USP6NL: variants seen among roughly 807,000 people sequenced by gnomAD.
USP6NL encodes USP6 N-terminal-like protein.
A neutral mutation model predicts 61.9 loss-of-function variants in USP6NL; 26 were observed. That is an observed-to-expected ratio of 0.42 (90% CI 0.31 to 0.58). The LOEUF (loss-of-function observed/expected upper bound fraction) is 0.58, where lower values mean the gene tolerates loss of function less well. USP6NL is among the 20% of genes least tolerant of loss of function. The pLI, the probability that USP6NL is intolerant of heterozygous loss-of-function variation, is 0.16. For synonymous variants in USP6NL, 432 were observed against 390.1 expected (o/e 1.11, Z -1.27); for missense variants, 1,114 against 1,034.3 (o/e 1.08, Z -1.06).
At chr10:11,610,326 C>A (rs1838847983) in intron 1 of USP6NL, among the ~76,000 whole-genome samples, 1 of 152,120 alleles carries the variant, frequency 6.6e-6, no homozygotes, top group South Asian at 2.1e-4. Context: ...TAGGGTCTGA[C>A]TGAACCAGAA....
chr10:11,489,376 A>G lies in USP6NL; in HGVS notation c.544-154T>C, dbSNP rs1411930448. Among the ~76,000 whole-genome samples, 6 of 152,276 alleles carry G rather than the reference A, an allele frequency of 3.9e-5. No individual in the cohort carries two copies. The highest frequency in any genetic ancestry group is 8.8e-5 in the Non-Finnish European group (6 of 68,044). ...CAAATACTATACTCTTTACAGTATT[A>G]TGCCACATAAGAGAATAAAATTGTG... On this transcript the variant is annotated intron_variant, in intron 9 of 14. Coordinates refer to ENST00000609104, the MANE Select transcript of USP6NL (RefSeq NM_014688.5). This position sits in a 1 kb window ranked among gnomAD's most constrained non-coding sequence, Gnocchi z 5.7.
intron 2 of USP6NL, chr10:11,564,807 A>G (rs1837069414): frequency 6.6e-6 from 1 of 152,226 alleles, no homozygotes; most frequent in African/African-American, 2.4e-5. Flanking sequence ...CTTCAATTAC[A>G]TTGCAGGACC....
chr10:11,498,768 T>C (rs1834052536), intron 7 of USP6NL, among the ~76,000 whole-genome samples: 1 of 152,262 alleles, frequency 6.6e-6, no homozygotes, highest in South Asian at 2.1e-4. Flanking sequence ...AATTCAGCAA[T>C]CTTTTTCCTT....
chr10:11,465,637 T>C lies in USP6NL; in HGVS notation c.1079-1788A>G, dbSNP rs1832418769. On this transcript the variant is annotated intron_variant, in intron 14 of 14. Transcript: ENST00000609104. The surrounding 1 kb of genome is among the most constrained non-coding windows in gnomAD (Gnocchi z 4.5). ...CTACTGCTGCTGTGCCTGTACGTGC[T>C]CTCCCCACACCGTGCTGGCAGCGGA... Among the ~76,000 whole-genome samples, 2 of 152,200 alleles carry C rather than the reference T, an allele frequency of 1.3e-5. No individual in the cohort carries two copies. The highest frequency in any genetic ancestry group is 4.1e-4 in the South Asian group (2 of 4,826).
In USP6NL at chr10:11,598,716, A is replaced by G. The variant is rs1231089870; in HGVS notation, c.-83-999T>C. Among the ~76,000 whole-genome samples the G allele has an allele frequency of 6.6e-6, 1 of 152,244 alleles. No individual in the cohort carries two copies. The highest frequency in any genetic ancestry group is 1.5e-5 in the Non-Finnish European group (1 of 68,032). ...TTTCTAAATCAATTAAGAAAACAGT[A>G]TACTACTACTAGAGACCTCTGCTTT... is the stretch of plus-strand genomic sequence containing the variant. On this transcript the variant is annotated intron_variant, in intron 1 of 14. Coordinates refer to ENST00000609104, the MANE Select transcript of USP6NL (RefSeq NM_014688.5). The surrounding 1 kb of genome is among the most constrained non-coding windows in gnomAD (Gnocchi z 4.7).
chr10:11,523,105 T>C (rs1052854317), intron 4 of USP6NL, among the ~76,000 whole-genome samples: 4 of 152,236 alleles, frequency 2.6e-5, no homozygotes, highest in Non-Finnish European at 5.9e-5. Flanking sequence ...ATATTTGCAC[T>C]TTTTCCCCAC....
chr10:11,578,964 T>A (rs1398994239), intron 2 of USP6NL, among the ~76,000 whole-genome samples: 2 of 152,192 alleles, frequency 1.3e-5, no homozygotes, highest in African/African-American at 4.8e-5. Context: ...CCACAGAAAT[T>A]AGCAAACACT....
chr10:11,561,762 G>A lies in USP6NL; in HGVS notation c.5-34195C>T, dbSNP rs1193916033. ...CTTGCAGACTAGAATTAGTAGGCCAGATGAAACACAACTTTTAATTTTGAT... is the reference window on the plus strand; with the variant it reads ...CTTGCAGACTAGAATTAGTAGGCCAAATGAAACACAACTTTTAATTTTGAT... On this transcript the variant is annotated intron_variant, in intron 2 of 14. Coordinates refer to ENST00000609104, the MANE Select transcript of USP6NL (RefSeq NM_014688.5). This position sits in a 1 kb window ranked among gnomAD's most constrained non-coding sequence, Gnocchi z 4.1. Among the ~76,000 whole-genome samples, 2 of 152,190 alleles carry A rather than the reference G, an allele frequency of 1.3e-5. No homozygotes were observed. Among genetic ancestry groups the A allele is most frequent in the Non-Finnish European group, 2.9e-5 (2 of 68,032 alleles).
rs1291255434 is a variant in USP6NL, at chr10:11,525,244, C to T, written c.155+142G>A. On this transcript the variant is annotated intron_variant, in intron 4 of 14. Coordinates refer to ENST00000609104, the MANE Select transcript of USP6NL (RefSeq NM_014688.5). This position sits in a 1 kb window ranked among gnomAD's most constrained non-coding sequence, Gnocchi z 5.0. ...TAATCACAGAGTTGTTAAAAGAAAC[C>T]TAGGAATTTAGTATCAAAACGCATA... 6 of 590,394 alleles carry T rather than the reference C, an allele frequency of 1.0e-5. No homozygotes were observed. Among genetic ancestry groups the T allele is most frequent in the African/African-American group, 2.0e-5 (1 of 50,574 alleles). The allele number at this position is 590,394 out of a possible 1,614,324, so 36.6% of individuals were successfully genotyped here.
rs1833640320 is a variant in USP6NL, at chr10:11,489,956, G to A, written c.544-734C>T. On this transcript the variant is annotated intron_variant, in intron 9 of 14. Coordinates refer to ENST00000609104, the MANE Select transcript of USP6NL (RefSeq NM_014688.5). This position sits in a 1 kb window ranked among gnomAD's most constrained non-coding sequence, Gnocchi z 5.7. ...CAGTAGGCAAAGGAAGCAATCTGGAGAGAGAAACAGTGAACTGAACAGTTC... is the reference window on the plus strand; with the variant it reads ...CAGTAGGCAAAGGAAGCAATCTGGAAAGAGAAACAGTGAACTGAACAGTTC... Among the ~76,000 whole-genome samples, 1 of 152,190 alleles carries A rather than the reference G, an allele frequency of 6.6e-6. No individual in the cohort carries two copies. The highest frequency in any genetic ancestry group is 2.4e-5 in the African/African-American group (1 of 41,446).
chr10:11,582,916 A>G lies in USP6NL; in HGVS notation c.4+14715T>C, dbSNP rs61844604. Among the ~76,000 whole-genome samples, 1,339 of 150,306 alleles carry G rather than the reference A, an allele frequency of 8.9e-3. 9 individuals are homozygous for G. Among genetic ancestry groups the G allele is most frequent in the Middle Eastern group, 0.037 (11 of 294 alleles). ...AGGCAATAAAATCCTGTTCATTCAT[A>G]TAAGATTTCTTATGTATCTAGTATG... On this transcript the variant is annotated intron_variant, in intron 2 of 14. Coordinates refer to ENST00000609104, the MANE Select transcript of USP6NL (RefSeq NM_014688.5).
At chr10:11,502,945 C>T (rs933294201) in intron 6 of USP6NL, among the ~76,000 whole-genome samples, 1 of 152,148 alleles carries the variant, frequency 6.6e-6, no homozygotes, top group African/African-American at 2.4e-5. Flanking sequence ...GACCATAAAA[C>T]TAGACTCGCA....
Position 11,532,445 on chromosome 10 carries a change from T to G in USP6NL, c.5-4878A>C, listed in dbSNP as rs1054411753. ...TCTAAGGGAGAAAAAAACCTTGCTG[T>G]GGTTACACAGACTATATATTTTCAA... On this transcript the variant is annotated intron_variant, in intron 2 of 14. Coordinates refer to ENST00000609104, the MANE Select transcript of USP6NL (RefSeq NM_014688.5). This position sits in a 1 kb window ranked among gnomAD's most constrained non-coding sequence, Gnocchi z 4.1. Among the ~76,000 whole-genome samples the G allele has an allele frequency of 4.6e-5, 7 of 152,206 alleles. No individual in the cohort carries two copies. The highest frequency in any genetic ancestry group is 8.8e-5 in the Non-Finnish European group (6 of 68,024).
At chr10:11,601,701 G>A (rs1838537441) in intron 1 of USP6NL, among the ~76,000 whole-genome samples, 1 of 152,306 alleles carries the variant, frequency 6.6e-6, no homozygotes, top group African/African-American at 2.4e-5. Context: ...AGTTGTAGTG[G>A]TTCATTTGTT....
chr10:11,498,537 T>C (rs1047049855), intron 7 of USP6NL, among the ~76,000 whole-genome samples: 4 of 151,944 alleles, frequency 2.6e-5, no homozygotes, highest in African/African-American at 9.7e-5. Flanking sequence ...ATGTGTAAGA[T>C]AAATATAATA....
In USP6NL at chr10:11,596,594, A is replaced by G. The variant is rs1838336407; in HGVS notation, c.4+1037T>C. Among the ~76,000 whole-genome samples the G allele has an allele frequency of 6.6e-6, 1 of 151,500 alleles. No homozygotes were observed. The highest frequency in any genetic ancestry group is 1.9e-4 in the East Asian group (1 of 5,154). On this transcript the variant is annotated intron_variant, in intron 2 of 14. Transcript: ENST00000609104. The surrounding 1 kb of genome is among the most constrained non-coding windows in gnomAD (Gnocchi z 4.1). ...AGCGGAGATGGTGCCACTGCACTGCAGCCTGGGCGACAGAGGGAGACTCCG... is the reference window on the plus strand; with the variant it reads ...AGCGGAGATGGTGCCACTGCACTGCGGCCTGGGCGACAGAGGGAGACTCCG...
chr10:11,492,134 G>A (rs1833731074), intron 8 of USP6NL, among the ~76,000 whole-genome samples: 1 of 152,128 alleles, frequency 6.6e-6, no homozygotes. Context: ...CCTCACGTGG[G>A]GAAAGAATTA....
chr10:11,550,144 A>G (rs1459277411), intron 2 of USP6NL, among the ~76,000 whole-genome samples: 1 of 152,222 alleles, frequency 6.6e-6, no homozygotes, highest in East Asian at 1.9e-4. Flanking sequence ...CTTGAAATAA[A>G]CCACGAACAT....
At chr10:11,550,198 A>C (rs1238859540) in intron 2 of USP6NL, among the ~76,000 whole-genome samples, 1 of 152,256 alleles carries the variant, frequency 6.6e-6, no homozygotes, top group Non-Finnish European at 1.5e-5. Context: ...ATAGGAGATA[A>C]TCTCGATGAT....
Sources: allele counts gnomAD v4.1 joint callset (sites outside exome capture counted in the v4.1 genomes callset), GRCh38; gene constraint gnomAD v4.1.1; non-coding constraint Gnocchi (gnomAD v3.1); transcripts MANE v1.5; gene names NCBI Gene and HGNC (gene_info 2026-07-23, HGNC 2026-07-21).